Variants in FMN2 observed in about 807,000 individuals in gnomAD.
FMN2 encodes formin 2.
A neutral mutation model predicts 142.3 loss-of-function variants in FMN2; 51 were observed. The observed-to-expected ratio is 0.36, with a 90% CI of 0.29 to 0.45. FMN2 has a LOEUF of 0.45. Among genes scored for constraint, FMN2 ranks in the 20% least tolerant of loss-of-function variants. The pLI is 1.00. For missense variants in FMN2, 1,936 were observed against 2,122.8 expected (o/e 0.91, Z 1.73); for synonymous variants, 882 against 869.8 (o/e 1.01, Z -0.25).
chr1:240,294,374 C>T (rs1195739494), intron 7 of FMN2, among the ~76,000 whole-genome samples: 2 of 152,164 alleles, frequency 1.3e-5, no homozygotes, highest in African/African-American at 2.4e-5. Context: ...GAAATGCCCC[C>T]ATCATTTTTA....
intron 7 of FMN2, among the ~76,000 whole-genome samples, chr1:240,290,018 C>T (rs1011277616): frequency 3.3e-5 from 5 of 152,122 alleles, no homozygotes; most frequent in Admixed American, 1.3e-4. Flanking sequence ...GAGGAGAACA[C>T]GTTAATAGCA....
intron 6 of FMN2, among the ~76,000 whole-genome samples, chr1:240,226,234 C>T (rs1667293345): frequency 6.6e-6 from 1 of 152,104 alleles, no homozygotes; most frequent in Non-Finnish European, 1.5e-5. Context: ...AGATCCACAC[C>T]CCCTATATCA....
intron 1 of FMN2, among the ~76,000 whole-genome samples, chr1:240,105,772 T>C (rs1463029650): frequency 6.6e-6 from 1 of 152,208 alleles, no homozygotes. Context: ...TACTGTATGA[T>C]TTCCTTTATG....
intron 2 of FMN2, chr1:240,170,392 A>C: frequency 8.3e-7 from 1 of 1,200,534 alleles, no homozygotes; most frequent in Non-Finnish European, 1.2e-6. Context: ...AATTGTGGGA[A>C]GTGTTGGTGA....
At chr1:240,167,726 T>C (rs1361568412) in intron 2 of FMN2, among the ~76,000 whole-genome samples, 1 of 152,218 alleles carries the variant, frequency 6.6e-6, no homozygotes, top group Non-Finnish European at 1.5e-5. Flanking sequence ...AAAAAATCTG[T>C]ATTATTTATA....
intron 13 of FMN2, among the ~76,000 whole-genome samples, chr1:240,349,961 T>TA (rs888107034): frequency 6.1e-5 from 9 of 147,846 alleles, no homozygotes; most frequent in Admixed American, 2.0e-4. Context: ...GGTATTTTTT[T>TA]TTTTTATTTA....
chr1:240,429,057 G>A (rs1358669029), intron 15 of FMN2, among the ~76,000 whole-genome samples: 1 of 151,970 alleles, frequency 6.6e-6, no homozygotes, highest in African/African-American at 2.4e-5. Flanking sequence ...ATTAGCTGTT[G>A]TACTTATTAA....
intron 8 of FMN2, among the ~76,000 whole-genome samples, chr1:240,320,088 G>A (rs1202035393): frequency 6.6e-6 from 1 of 152,174 alleles, no homozygotes; most frequent in Non-Finnish European, 1.5e-5. Flanking sequence ...AGCAACTGGG[G>A]TGTGTTTCAT....
rs571994150 is a variant in FMN2 at position 240,257,989 on chromosome 1, A to T, written c.4110A>T (p.Ile1370=). 1.9e-6 allele frequency: 3 copies of T among 1,612,866 alleles called. No homozygotes were observed. The Admixed American group carries it at 5.0e-5, about 27-fold the overall frequency. ...LSNKRSQAVG[I]LMSSLHLDMK... is the part of the protein sequence containing the mutation. ...ACAAAAGATCACAAGCAGTTGGAAT[A>T]CTAATGTCTAGCCTTCATTTAGATA... Residue 1370 remains isoleucine, a synonymous_variant, in exon 7 of 18, where the codon ATA becomes ATT. Transcript: ENST00000319653.
intron 11 of FMN2, among the ~76,000 whole-genome samples, chr1:240,332,917 A>G (rs1232876707): frequency 6.6e-6 from 1 of 152,166 alleles, no homozygotes; most frequent in East Asian, 1.9e-4. Context: ...AAGGAAGTCA[A>G]GTTGCTTAAA....
At position 240,143,346 on chromosome 1, in the gene FMN2, T is replaced by C; in HGVS notation, c.1782+20001T>C. The C allele has an allele frequency of 3.4e-6, 5 of 1,485,896 alleles. No individual in the cohort carries two copies. In the South Asian group the frequency reaches 5.7e-5, roughly 17 times the overall value. The allele number at this position is 1,485,896 out of a possible 1,614,324, so 92.0% of individuals were successfully genotyped here. Reference sequence around the variant, plus strand: ...CCCTCCGGAGTGCAGGCTCCCCATATCTCAGCAAGTGGCCAAAGGTTCATA... The same window carrying C: ...CCCTCCGGAGTGCAGGCTCCCCATACCTCAGCAAGTGGCCAAAGGTTCATA... On this transcript the variant is annotated intron_variant, in intron 2 of 17. Transcript: ENST00000319653.
chr1:240,296,438 C>CTTTTTTTTTT (rs772711130), intron 8 of FMN2, among the ~76,000 whole-genome samples: 2 of 46,912 alleles, frequency 4.3e-5, no homozygotes, highest in Non-Finnish European at 7.2e-5. Flanking sequence ...TCTTTGAGTG[C>CTTTTTTTTTT]TTTTTTTTTT....
chr1:240,273,588 C>A (rs963608487), intron 7 of FMN2, among the ~76,000 whole-genome samples: 3 of 152,008 alleles, frequency 2.0e-5, no homozygotes, highest in Non-Finnish European at 2.9e-5. Flanking sequence ...GTGTGCAGTG[C>A]TTTAGTGTTG....
intron 6 of FMN2, among the ~76,000 whole-genome samples, chr1:240,233,304 C>T (rs1043606101): frequency 3.7e-4 from 56 of 151,838 alleles, no homozygotes; most frequent in Non-Finnish European, 1.6e-4. Context: ...TCGCTCAAAC[C>T]CTGGAGGTGA....
intron 8 of FMN2, among the ~76,000 whole-genome samples, chr1:240,298,642 T>C (rs995131612): frequency 3.9e-5 from 6 of 152,102 alleles, no homozygotes; most frequent in African/African-American, 1.4e-4. Flanking sequence ...TACAAACCCT[T>C]TTGTGAACTG....
At chr1:240,188,313 A>G (rs1199572375) in intron 4 of FMN2, 51 bp downstream of exon 4, 2 of 1,585,900 alleles carry the variant, frequency 1.3e-6, no homozygotes, top group Admixed American at 1.7e-5. Flanking sequence ...TATTTGTCTT[A>G]AGATTGTGAC....
chr1:240,226,559 A>G (rs1227405850), intron 6 of FMN2, among the ~76,000 whole-genome samples: 1 of 152,210 alleles, frequency 6.6e-6, no homozygotes, highest in Non-Finnish European at 1.5e-5. Context: ...CGAAAATGAT[A>G]TGGTAATTTG....
intron 6 of FMN2, among the ~76,000 whole-genome samples, chr1:240,249,932 T>C (rs1572115362): frequency 1.3e-5 from 2 of 152,250 alleles, no homozygotes; most frequent in East Asian, 3.9e-4. Flanking sequence ...GATTTTTGTA[T>C]GTTGATTTTG....
At chr1:240,422,510 C>T (rs1674802164) in intron 15 of FMN2, among the ~76,000 whole-genome samples, 1 of 151,982 alleles carries the variant, frequency 6.6e-6, no homozygotes, top group African/African-American at 2.4e-5. Context: ...TTTGGTGATA[C>T]TGTAAGTTAT....
Sources: gnomAD v4.1 joint callset for allele counts (sites outside exome capture counted in the v4.1 genomes callset) on GRCh38, gnomAD v4.1.1 for gene constraint, MANE v1.5 for transcripts, NCBI Gene and HGNC (gene_info 2026-07-23, HGNC 2026-07-21) for gene names.